The following TMTC3 variants were observed in gnomAD, a reference collection of about 807,000 sequenced individuals.
TMTC3 encodes the protein protein O-mannosyl-transferase TMTC3.
A neutral mutation model predicts 92.2 loss-of-function variants in TMTC3; 52 were observed. The observed-to-expected ratio is 0.56, with a 90% CI of 0.45 to 0.71. The LOEUF (loss-of-function observed/expected upper bound fraction) is 0.71, where lower values mean the gene tolerates loss of function less well. Among genes scored for constraint, TMTC3 ranks in the 30% least tolerant of loss-of-function variants. The pLI is 0.00. For missense variants in TMTC3, 896 were observed against 1,057.1 expected (o/e 0.85, Z 2.11); for synonymous variants, 339 against 363.3 (o/e 0.93, Z 0.76).
chr12:88,192,559 A>G, intron 12 of TMTC3, 45 bp from the exon 13 acceptor site: 1 of 1,449,152 alleles, frequency 6.9e-7, no homozygotes, highest in East Asian at 2.3e-5. Context: ...CTACAAACTG[A>G]GATGGTAATG....
chr12:88,160,261 T>A (rs1299429506), intron 5 of TMTC3, 32 bp downstream of exon 5: 1 of 1,249,742 alleles, frequency 8.0e-7, no homozygotes, highest in Non-Finnish European at 1.1e-6. Context: ...TAAATTTTCT[T>A]ATTGATATAT....
At chr12:88,162,599 G>A (rs1386293635) in intron 6 of TMTC3, among the ~76,000 whole-genome samples, 1 of 151,854 alleles carries the variant, frequency 6.6e-6, no homozygotes, top group African/African-American at 2.4e-5. Flanking sequence ...TCTTACCTCT[G>A]AATCTGTTTT....
At chr12:88,165,605 A>G (rs931977365) in intron 6 of TMTC3, among the ~76,000 whole-genome samples, 11 of 152,104 alleles carry the variant, frequency 7.2e-5, no homozygotes, top group Admixed American at 5.2e-4. Flanking sequence ...ACTATATATT[A>G]TAACCAATAT....
intron 13 of TMTC3, among the ~76,000 whole-genome samples, chr12:88,193,917 T>G (rs975347078): frequency 3.3e-5 from 5 of 152,178 alleles, no homozygotes; most frequent in Admixed American, 2.6e-4. Context: ...GCAATAGAAA[T>G]TATCTCAATG....
intron 1 of TMTC3, among the ~76,000 whole-genome samples, chr12:88,143,116 A>T (rs538009028): frequency 1.3e-5 from 2 of 151,950 alleles, no homozygotes; most frequent in South Asian, 2.1e-4. Flanking sequence ...CTGTAGACTT[A>T]AATCTAAATG....
At chr12:88,171,495 GTCC>G (rs1287341247) in intron 7 of TMTC3, among the ~76,000 whole-genome samples, 2 of 151,994 alleles carry the variant, frequency 1.3e-5, no homozygotes, top group Admixed American at 1.3e-4. Context: ...TTAACATGGT[GTCC>G]TCCGGGTTTA....
Position 88,172,757 on chromosome 12 carries a change from T to C in TMTC3, c.1199+12T>C. The C allele has an allele frequency of 1.3e-6, 2 of 1,587,738 alleles. No homozygotes were observed. Among genetic ancestry groups the C allele is most frequent in the Non-Finnish European group, 1.7e-6 (2 of 1,170,964 alleles). On this transcript the variant is annotated intron_variant, in intron 8 of 13. Transcript: ENST00000266712. The stretch of plus-strand genomic sequence containing the variant: ...ATATCAACAAAAAGGTGAATTTAAA[T>C]GTCAGTTCATGTAATGCTTACTATG...
intron 2 of TMTC3, among the ~76,000 whole-genome samples, chr12:88,151,817 A>G (rs1457946906): frequency 6.6e-6 from 1 of 152,200 alleles, no homozygotes; most frequent in Admixed American, 6.5e-5. Flanking sequence ...TCAGTTCAGT[A>G]CAGTGCCTTA....
chr12:88,191,253 T>C (rs1056840415), intron 12 of TMTC3, among the ~76,000 whole-genome samples: 70 of 152,292 alleles, frequency 4.6e-4, no homozygotes, highest in African/African-American at 1.6e-3. Context: ...AAAATCTGTT[T>C]GTAAGTTGGG....
At chr12:88,152,453 A>AT (rs2040954898) in intron 2 of TMTC3, among the ~76,000 whole-genome samples, 1 of 152,144 alleles carries the variant, frequency 6.6e-6, no homozygotes, top group African/African-American at 2.4e-5. Flanking sequence ...ACCTCCTCAT[A>AT]TTTCAGCATG....
chr12:88,166,185 AGT>A, intron 6 of TMTC3, 143 bp from the exon 7 acceptor site: 1 of 749,646 alleles, frequency 1.3e-6, no homozygotes, highest in African/African-American at 1.8e-5. Flanking sequence ...CTCTAGCAAG[AGT>A]CTGAGGTACA....
chr12:88,155,151 A>G (rs1290992191), intron 4 of TMTC3, among the ~76,000 whole-genome samples: 3 of 152,188 alleles, frequency 2.0e-5, no homozygotes, highest in Non-Finnish European at 4.4e-5. Context: ...TTCTTAAAAC[A>G]ATTTGAGTGG....
intron 7 of TMTC3, among the ~76,000 whole-genome samples, chr12:88,167,250 G>T (rs2041155190): frequency 6.6e-6 from 1 of 151,800 alleles, no homozygotes; most frequent in African/African-American, 2.4e-5. Flanking sequence ...ACAAAAATTA[G>T]CTGGGTAGCT....
chr12:88,194,165 T>G (rs1041138282), intron 13 of TMTC3, among the ~76,000 whole-genome samples: 9 of 152,140 alleles, frequency 5.9e-5, no homozygotes, highest in African/African-American at 9.7e-5. Flanking sequence ...GAGGTTACAG[T>G]GACCTGTGGA....
intron 6 of TMTC3, among the ~76,000 whole-genome samples, chr12:88,161,095 G>T (rs1474946608): frequency 6.6e-6 from 1 of 152,018 alleles, no homozygotes; most frequent in Non-Finnish European, 1.5e-5. Context: ...AAGTGTTAAG[G>T]TTAGTGTTAA....
rs546983784 is a variant in TMTC3 at position 88,184,614 on chromosome 12, A to G, written c.1433-4229A>G. ...ATGGATAGCAAATGGCTCTGTAGGT[A>G]TATTTGTTCATTGGGCACGTATTTG... On this transcript the variant is annotated intron_variant, in intron 10 of 13. Coordinates refer to ENST00000266712, the MANE Select transcript of TMTC3 (RefSeq NM_181783.4). 5.3e-5 allele frequency among the ~76,000 whole-genome samples: 8 copies of G among 152,348 alleles called. No homozygotes were observed. The East Asian group carries it at 1.5e-3, about 29-fold the overall frequency.
chr12:88,151,249 C>G (rs2040939677), intron 2 of TMTC3, among the ~76,000 whole-genome samples: 1 of 152,074 alleles, frequency 6.6e-6, no homozygotes, highest in Non-Finnish European at 1.5e-5. Flanking sequence ...TAATGAGCCA[C>G]CTTCCTCTGG....
chr12:88,166,581 T>C lies in TMTC3; in HGVS notation c.1049T>C (p.Met350Thr). Residue 350 changes from methionine to threonine, a missense_variant and splice_region_variant, in exon 7 of 14, where the codon ATG becomes ACG. By Grantham distance (81) the Met-to-Thr change is moderately conservative (BLOSUM62 -1). Coordinates refer to ENST00000266712, the MANE Select transcript of TMTC3 (RefSeq NM_181783.4). ...GGTGATTCCTCCAAGACTGTTTTAA[T>C]GGTAAGAAACTTTTCTTAACTTCCA... is the stretch of plus-strand genomic sequence containing the variant. ...YSGDSSKTVL[M>T]ALCLMALPFI... The C allele has an allele frequency of 1.2e-6, 2 of 1,610,310 alleles. No homozygotes were observed. The highest frequency in any genetic ancestry group is 1.7e-4 in the Middle Eastern group (1 of 6,024).
At chr12:88,192,886 G>T (rs2041460575) in intron 13 of TMTC3, 56 bp downstream of exon 13, 3 of 1,422,830 alleles carry the variant, frequency 2.1e-6, no homozygotes, top group Non-Finnish European at 2.8e-6. Flanking sequence ...AATATAATAA[G>T]ACCTTAATTT....
Sources: gnomAD v4.1 joint callset for allele counts (sites outside exome capture counted in the v4.1 genomes callset) on GRCh38, gnomAD v4.1.1 for gene constraint, MANE v1.5 for transcripts, NCBI Gene and HGNC (gene_info 2026-07-23, HGNC 2026-07-21) for gene names.